Variants in MAP3K5 observed in about 807,000 individuals in gnomAD.
MAP3K5 encodes the protein ASK-1.
In MAP3K5, 56 loss-of-function variants were observed where a neutral mutation model predicts 158.7. The ratio of observed to expected loss-of-function variants is 0.35; its 90% CI spans 0.28 to 0.44. MAP3K5 has a LOEUF of 0.44. Ranked by LOEUF, MAP3K5 falls within the 20% of genes least tolerant of loss-of-function variation. The pLI, the probability that MAP3K5 is intolerant of heterozygous loss-of-function variation, is 1.00. For missense variants in MAP3K5, 1,294 were observed against 1,674.8 expected (o/e 0.77, Z 3.97); for synonymous variants, 579 against 601.7 (o/e 0.96, Z 0.55).
chr6:136,772,243 G>T (rs913273802), intron 1 of MAP3K5, among the ~76,000 whole-genome samples: 8 of 151,662 alleles, frequency 5.3e-5, no homozygotes, highest in African/African-American at 1.7e-4. Flanking sequence ...TTTGAGGGGG[G>T]GGGAGACCTT....
At position 136,613,301 on chromosome 6, in the gene MAP3K5, G is replaced by A. The variant is rs769312771; in HGVS notation, c.2279-45C>T. The stretch of plus-strand genomic sequence containing the variant: ...AGTAAATAAATCCTCATTCAAATGA[G>A]CTCTTTAAAGTGTATTAATAATGTA... On this transcript the variant is annotated intron_variant, in intron 16 of 29. Transcript: ENST00000359015. The surrounding 1 kb of genome is among the most constrained non-coding windows in gnomAD (Gnocchi z 4.0). 6.5e-7 allele frequency: 1 copy of A among 1,546,460 alleles called. No individual in the cohort carries two copies. Among genetic ancestry groups the A allele is most frequent in the Non-Finnish European group, 8.8e-7 (1 of 1,132,578 alleles).
At chr6:136,600,879 A>G (rs1347403433) in intron 21 of MAP3K5, 143 bp downstream of exon 21, 1 of 661,630 alleles carries the variant, frequency 1.5e-6, no homozygotes. Context: ...AGCTGCACAC[A>G]TCCTTATAGT....
At chr6:136,612,514 C>A (rs1583273120) in intron 17 of MAP3K5, among the ~76,000 whole-genome samples, 1 of 152,064 alleles carries the variant, frequency 6.6e-6, no homozygotes, top group African/African-American at 2.4e-5. Flanking sequence ...GATAAATGGG[C>A]TTTTTGGTTG....
intron 1 of MAP3K5, among the ~76,000 whole-genome samples, chr6:136,761,212 T>C (rs1783737748): frequency 7.0e-6 from 1 of 143,340 alleles, no homozygotes; most frequent in African/African-American, 2.6e-5. Flanking sequence ...CAGAACTGAA[T>C]AGGACAAATA....
intron 29 of MAP3K5, 141 bp downstream of exon 29, chr6:136,558,659 G>A: frequency 3.8e-6 from 2 of 520,384 alleles, no homozygotes; most frequent in East Asian, 5.9e-5. Context: ...AACTAACTCA[G>A]TTTACTCAGA....
intron 14 of MAP3K5, among the ~76,000 whole-genome samples, chr6:136,635,113 T>C (rs1241577505): frequency 6.8e-6 from 1 of 147,308 alleles, no homozygotes; most frequent in Non-Finnish European, 1.5e-5. Context: ...AAACAAAGGA[T>C]AGCTATCTCT....
intron 18 of MAP3K5, among the ~76,000 whole-genome samples, chr6:136,606,219 C>T (rs1057151159): frequency 6.6e-6 from 1 of 152,034 alleles, no homozygotes; most frequent in Non-Finnish European, 1.5e-5. Context: ...GGCTTGGTGG[C>T]GGGCACCTAT....
chr6:136,717,765 C>T (rs1308470099), intron 2 of MAP3K5, among the ~76,000 whole-genome samples: 1 of 152,120 alleles, frequency 6.6e-6, no homozygotes, highest in African/African-American at 2.4e-5. Context: ...ACTTTCAGGA[C>T]TCAGAGGAAA....
In MAP3K5 at chr6:136,557,663, C is replaced by T. The variant is rs925487768; in HGVS notation, c.*95G>A. 2.6e-5 allele frequency: 21 copies of T among 794,444 alleles called. No homozygotes were observed. Among genetic ancestry groups the T allele is most frequent in the Non-Finnish European group, 4.3e-5 (20 of 462,736 alleles). 49.2% of individuals were successfully genotyped at this position (794,444 alleles called of 1,614,324 possible). ...AACAAATACTGGATTTAAAGTGCAG[C>T]GCCTTTCTCCTCTCCCTTCGATTTT... On this transcript the variant is annotated 3_prime_UTR_variant, in exon 30 of 30. Coordinates refer to ENST00000359015, the MANE Select transcript of MAP3K5 (RefSeq NM_005923.4).
At chr6:136,790,983 G>A (rs1284044136) in intron 1 of MAP3K5, among the ~76,000 whole-genome samples, 1 of 152,184 alleles carries the variant, frequency 6.6e-6, no homozygotes, top group East Asian at 1.9e-4. Flanking sequence ...TATTAGGATA[G>A]CATACAGGTG....
At chr6:136,770,907 TAATAA>T (rs1784172940) in intron 1 of MAP3K5, among the ~76,000 whole-genome samples, 1 of 152,130 alleles carries the variant, frequency 6.6e-6, no homozygotes, top group Non-Finnish European at 1.5e-5. Context: ...AGGAAAAATA[TAATAA>T]ATTTTTAAAA....
intron 1 of MAP3K5, among the ~76,000 whole-genome samples, chr6:136,776,217 T>C (rs1192134153): frequency 6.6e-6 from 1 of 152,190 alleles, no homozygotes; most frequent in Non-Finnish European, 1.5e-5. Flanking sequence ...TGTATGCTAT[T>C]ATGGTTTTGG....
chr6:136,637,504 AAG>A lies in MAP3K5; in HGVS notation c.1935-100_1935-99del, dbSNP rs147612405. The A allele has an allele frequency of 8.8e-4, 673 of 766,736 alleles. 3 individuals are homozygous for A. The highest frequency in any genetic ancestry group is 1.4e-3 in the Non-Finnish European group (586 of 423,238). The allele number at this position is 766,736 out of a possible 1,614,324, so 47.5% of individuals were successfully genotyped here. A position where few individuals can be genotyped will look rare whatever the true frequency, so the allele number is the denominator to read the frequency against. ...GACTTCAGAACCAAAACTGAGAGCTAAGAGAGTCTCCAGAACCAGGCAATAAC... is the reference window on the plus strand; with the variant it reads ...GACTTCAGAACCAAAACTGAGAGCTAAGAGTCTCCAGAACCAGGCAATAAC... On this transcript the variant is annotated intron_variant, in intron 13 of 29. Transcript: ENST00000359015.
chr6:136,687,741 G>A (rs1033020319), intron 7 of MAP3K5, among the ~76,000 whole-genome samples: 1 of 152,182 alleles, frequency 6.6e-6, no homozygotes, highest in African/African-American at 2.4e-5. Context: ...ATGCCAGTTA[G>A]AACGGTGATC....
intron 7 of MAP3K5, among the ~76,000 whole-genome samples, chr6:136,676,141 T>C (rs1209446830): frequency 6.6e-6 from 1 of 152,192 alleles, no homozygotes; most frequent in Non-Finnish European, 1.5e-5. Flanking sequence ...TCCAAGAGAA[T>C]GTAAGCTCCA....
At chr6:136,633,425 G>GTATATATATATATATA (rs139665870) in intron 14 of MAP3K5, among the ~76,000 whole-genome samples, 1 of 147,368 alleles carries the variant, frequency 6.8e-6, no homozygotes, top group East Asian at 2.0e-4. Flanking sequence ...ATAAATATAT[G>GTATATATATATATATA]TATATATATA....
chr6:136,771,119 A>G (rs1051765698), intron 1 of MAP3K5, among the ~76,000 whole-genome samples: 3 of 152,170 alleles, frequency 2.0e-5, no homozygotes, highest in African/African-American at 7.2e-5. Context: ...GCAGATGCTT[A>G]ACCTACAGCT....
chr6:136,791,470 A>C (rs1422748465), intron 1 of MAP3K5, among the ~76,000 whole-genome samples: 2 of 152,284 alleles, frequency 1.3e-5, no homozygotes, highest in African/African-American at 4.8e-5. Context: ...CCAGGGCTCC[A>C]GCGCTGGGCG....
intron 9 of MAP3K5, among the ~76,000 whole-genome samples, chr6:136,658,730 A>C (rs777218745): frequency 7.9e-5 from 12 of 152,244 alleles, no homozygotes; most frequent in Non-Finnish European, 1.6e-4. Context: ...TTCAAATTAG[A>C]AAAACACACA....
Sources: gnomAD v4.1 joint callset for allele counts (sites outside exome capture counted in the v4.1 genomes callset) on GRCh38, gnomAD v4.1.1 for gene constraint, Gnocchi (gnomAD v3.1) non-coding constraint, MANE v1.5 for transcripts, NCBI Gene and HGNC (gene_info 2026-07-23, HGNC 2026-07-21) for gene names.